SCYL2: variants seen among roughly 807,000 people sequenced by gnomAD.
SCYL2 encodes SCY1 like pseudokinase 2.
SCYL2 carries 36 observed loss-of-function variants against 100.4 expected under a neutral mutation model. The observed-to-expected ratio is 0.36, with a 90% CI of 0.27 to 0.47. The LOEUF (loss-of-function observed/expected upper bound fraction) is 0.47, where lower values mean the gene tolerates loss of function less well. Ranked by LOEUF, SCYL2 falls within the 20% of genes least tolerant of loss-of-function variation. The pLI is 1.00. For synonymous variants in SCYL2, 330 were observed against 359.2 expected (o/e 0.92, Z 0.92); for missense variants, 902 against 1,083.9 (o/e 0.83, Z 2.36).
In SCYL2 at chr12:100,339,174, G is replaced by T. The variant is rs746319579; in HGVS notation, c.*2G>T. 7 of 1,609,500 alleles carry T rather than the reference G, an allele frequency of 4.3e-6. No individual in the cohort carries two copies. In the Admixed American group the frequency reaches 5.0e-5, roughly 12 times the overall value. ...GATTTAAAAGATCTTTTTGGGTGAG[G>T]TGTCTTACTTCTATTTTGAAGGATT... On this transcript the variant is annotated 3_prime_UTR_variant, in exon 18 of 18. Transcript: ENST00000360820.
At chr12:100,276,492 C>T (rs1048924903) in intron 1 of SCYL2, among the ~76,000 whole-genome samples, 1 of 151,986 alleles carries the variant, frequency 6.6e-6, no homozygotes, top group Admixed American at 6.6e-5. Flanking sequence ...ACCACTATGC[C>T]CTGCACATTT....
chr12:100,292,637 C>T (rs1029383738), intron 3 of SCYL2, among the ~76,000 whole-genome samples: 1 of 152,106 alleles, frequency 6.6e-6, no homozygotes, highest in East Asian at 1.9e-4. Flanking sequence ...ATGTGAAAAA[C>T]TATGCTAAAT....
At chr12:100,318,093 CCTAA>C (rs1361329807) in intron 10 of SCYL2, among the ~76,000 whole-genome samples, 168 bp downstream of exon 10, 4 of 152,164 alleles carry the variant, frequency 2.6e-5, no homozygotes, top group South Asian at 2.1e-4. Context: ...TATATTCACT[CCTAA>C]CTAATTTAAA....
At chr12:100,312,367 A>T in intron 5 of SCYL2, 65 bp from the exon 6 acceptor site, 2 of 1,165,110 alleles carry the variant, frequency 1.7e-6, no homozygotes, top group Non-Finnish European at 2.6e-6. Context: ...AAGATAGATT[A>T]CTACTGCTTG....
At chr12:100,326,180 G>T (rs1427807658) in intron 11 of SCYL2, among the ~76,000 whole-genome samples, 1 of 152,094 alleles carries the variant, frequency 6.6e-6, no homozygotes, top group East Asian at 1.9e-4. Flanking sequence ...ACCTTCACAT[G>T]TTAAAATATT....
intron 1 of SCYL2, among the ~76,000 whole-genome samples, chr12:100,282,602 G>A (rs557652634): frequency 6.6e-6 from 1 of 152,264 alleles, no homozygotes; most frequent in South Asian, 2.1e-4. Flanking sequence ...TGATATTACA[G>A]GCGTGAGCCA....
At chr12:100,319,797 C>T (rs2135914648) in intron 10 of SCYL2, among the ~76,000 whole-genome samples, 1 of 152,306 alleles carries the variant, frequency 6.6e-6, no homozygotes, top group East Asian at 1.9e-4. Flanking sequence ...ATTAGCACTG[C>T]TTAGTTGATA....
intron 2 of SCYL2, among the ~76,000 whole-genome samples, chr12:100,288,962 C>G (rs2096307496): frequency 6.6e-6 from 1 of 151,914 alleles, no homozygotes; most frequent in East Asian, 1.9e-4. Context: ...GTACCCAGGC[C>G]TCCCAAAGTG....
intron 11 of SCYL2, 82 bp downstream of exon 11, chr12:100,323,720 T>C (rs1306117252): frequency 1.4e-6 from 1 of 715,552 alleles, no homozygotes. Context: ...AATAACCCTT[T>C]TATAGATTGT....
Position 100,298,086 on chromosome 12 carries a change from G to C in SCYL2, c.391G>C (p.Gly131Arg), listed in dbSNP as rs757130593. 4 of 1,611,000 alleles carry C rather than the reference G, an allele frequency of 2.5e-6. No homozygotes were observed. Among genetic ancestry groups the C allele is most frequent in the Non-Finnish European group, 3.4e-6 (4 of 1,178,642 alleles). ...PVFASLANVLGNWENLPSPIS... is the reference protein window; with the variant it reads ...PVFASLANVLRNWENLPSPIS... ...TTTTGCCAGTTTAGCCAATGTTCTT[G>C]GTAACTGGGAAAATCTACCTTCCCC... The change falls in exon 4 of 18, where the codon GGT (glycine) becomes CGT (arginine). Residue 131 changes from glycine to arginine, a missense_variant. Coordinates refer to ENST00000360820, the MANE Select transcript of SCYL2 (RefSeq NM_017988.6).
At chr12:100,304,301 G>A (rs948075850) in intron 4 of SCYL2, among the ~76,000 whole-genome samples, 1 of 151,768 alleles carries the variant, frequency 6.6e-6, no homozygotes, top group African/African-American at 2.4e-5. Flanking sequence ...CACCACTGGG[G>A]TTTGAAAAAA....
At chr12:100,298,337 G>A (rs1052484579) in intron 4 of SCYL2, among the ~76,000 whole-genome samples, 162 bp downstream of exon 4, 3 of 152,062 alleles carry the variant, frequency 2.0e-5, no homozygotes, top group Non-Finnish European at 2.9e-5. Context: ...TCTGCAGTTT[G>A]TTGTTCGGGT....
At chr12:100,322,322 G>A (rs1400736921) in intron 10 of SCYL2, among the ~76,000 whole-genome samples, 3 of 130,008 alleles carry the variant, frequency 2.3e-5, no homozygotes, top group Non-Finnish European at 4.7e-5. Flanking sequence ...GCAGTGAGCC[G>A]AGATCGCGCC....
intron 1 of SCYL2, among the ~76,000 whole-genome samples, chr12:100,277,039 C>T (rs1592926883): frequency 6.6e-6 from 1 of 151,970 alleles, no homozygotes; most frequent in East Asian, 1.9e-4. Context: ...CATATATTTG[C>T]AGTTTTTCTA....
At chr12:100,322,200 G>A (rs1191433101) in intron 10 of SCYL2, among the ~76,000 whole-genome samples, 1 of 150,460 alleles carries the variant, frequency 6.6e-6, no homozygotes, top group Non-Finnish European at 1.5e-5. Context: ...GTGAAACCCC[G>A]TCTCTACTAA....
chr12:100,273,950 T>C (rs555447703), intron 1 of SCYL2, among the ~76,000 whole-genome samples: 33 of 152,346 alleles, frequency 2.2e-4, no homozygotes, highest in African/African-American at 7.9e-4. Context: ...ATGTATGGTT[T>C]TAAATAGAAT....
rs148883842 is a variant in SCYL2 at position 100,339,013 on chromosome 12, G to A, written c.2631G>A (p.Met877Ile). Residue 877 changes from methionine (M) to isoleucine (I), a missense_variant, in exon 18 of 18, where the codon ATG becomes ATA. Met to Ile is a conservative substitution (Grantham distance 10). Transcript: ENST00000360820. The stretch of plus-strand genomic sequence containing the variant: ...TACCTCCTCAAGGTTCTCCAACTAT[G>A]GGCAGTTCAGTAATGGGGACACAGA... Reference protein sequence around the residue: ...QFVPPQGSPTMGSSVMGTQMN... With the variant: ...QFVPPQGSPTIGSSVMGTQMN... 17 of 1,614,112 alleles carry A rather than the reference G, an allele frequency of 1.1e-5. No homozygotes were observed. In the Admixed American group the frequency reaches 1.3e-4, roughly 13 times the overall value.
intron 2 of SCYL2, among the ~76,000 whole-genome samples, chr12:100,290,689 A>G (rs1315107951): frequency 6.6e-6 from 1 of 152,214 alleles, no homozygotes; most frequent in African/African-American, 2.4e-5. Context: ...AAGAGTTTCT[A>G]AATCTTTCAA....
intron 4 of SCYL2, among the ~76,000 whole-genome samples, chr12:100,301,035 G>T (rs1259757253): frequency 6.6e-6 from 1 of 152,152 alleles, no homozygotes; most frequent in African/African-American, 2.4e-5. Flanking sequence ...TTGCTGGATT[G>T]TATGGTAGCT....
Sources: allele counts gnomAD v4.1 joint callset (sites outside exome capture counted in the v4.1 genomes callset), GRCh38; gene constraint gnomAD v4.1.1; transcripts MANE v1.5; gene names NCBI Gene and HGNC (gene_info 2026-07-23, HGNC 2026-07-21).